Variants in HTR4 observed in about 807,000 individuals in gnomAD.
HTR4 encodes the protein 5-hydroxytryptamine (serotonin) receptor 4, G protein-coupled.
A neutral mutation model predicts 36.8 loss-of-function variants in HTR4; 16 were observed. That is an observed-to-expected ratio of 0.43 (90% CI 0.29 to 0.66). The LOEUF is 0.66. Among genes scored for constraint, HTR4 ranks in the 30% least tolerant of loss-of-function variants. The probability of loss-of-function intolerance (pLI) is 0.13; values close to 1 mark genes in which losing one functional copy is unlikely to be tolerated. For synonymous variants in HTR4, 189 were observed against 185.1 expected (o/e 1.02, Z -0.17); for missense variants, 438 against 490.9 (o/e 0.89, Z 1.02).
intron 2 of HTR4, among the ~76,000 whole-genome samples, chr5:148,635,128 A>G (rs774944128): frequency 2.0e-5 from 3 of 152,182 alleles, no homozygotes; most frequent in Non-Finnish European, 4.4e-5. Flanking sequence ...CACTATTATA[A>G]GTGGCAAAAT....
At chr5:148,489,233 C>T (rs1756299825) in intron 6 of HTR4, among the ~76,000 whole-genome samples, 1 of 152,128 alleles carries the variant, frequency 6.6e-6, no homozygotes, top group Non-Finnish European at 1.5e-5. Context: ...TCACAATAAT[C>T]CTATCACATG....
intron 2 of HTR4, among the ~76,000 whole-genome samples, chr5:148,626,949 C>T (rs1753132119): frequency 6.6e-6 from 1 of 152,186 alleles, no homozygotes; most frequent in South Asian, 2.1e-4. Flanking sequence ...CAAACTAAGT[C>T]CTCATTCCCT....
chr5:148,454,859 C>G (rs1755061462), intron 5 of HTR4, among the ~76,000 whole-genome samples: 1 of 152,108 alleles, frequency 6.6e-6, no homozygotes, highest in Admixed American at 6.5e-5. Flanking sequence ...AACCCCTTCC[C>G]CATTGCTCTT....
intron 2 of HTR4, among the ~76,000 whole-genome samples, chr5:148,560,427 G>A (rs1760154016): frequency 1.3e-5 from 2 of 152,228 alleles, no homozygotes; most frequent in African/African-American, 4.8e-5. Flanking sequence ...AAGTTCCCAG[G>A]TAATGCTGAT....
chr5:148,599,532 T>C (rs1343346601), intron 2 of HTR4, among the ~76,000 whole-genome samples: 1 of 151,976 alleles, frequency 6.6e-6, no homozygotes, highest in African/African-American at 2.4e-5. Context: ...TTTATATCCA[T>C]TGAAATTATC....
downstream of HTR4, among the ~76,000 whole-genome samples, chr5:148,479,450 T>G (rs1369748488): frequency 6.6e-6 from 1 of 152,106 alleles, no homozygotes; most frequent in Non-Finnish European, 1.5e-5. Flanking sequence ...TCAGACGCAT[T>G]TTTCCTTGAA....
chr5:148,637,139 A>T (rs1364572351), intron 1 of HTR4, 78 bp from the exon 2 acceptor site: 3 of 888,536 alleles, frequency 3.4e-6, no homozygotes, highest in African/African-American at 3.4e-5. Flanking sequence ...AAAAAACTCA[A>T]ATAACTATTG....
intron 2 of HTR4, among the ~76,000 whole-genome samples, chr5:148,578,859 T>G (rs1041082558): frequency 6.6e-6 from 1 of 152,096 alleles, no homozygotes; most frequent in Non-Finnish European, 1.5e-5. Context: ...TATAACATAT[T>G]GGAAAGGGCC....
Position 148,481,739 on chromosome 5 carries a change from G to A in HTR4, c.*1464C>T. Reference sequence around the variant, plus strand: ...CTATTAAACCACAGCCAAGATCAAAGTCAGAATCTCACATGGCTCTGGGTT... The same window carrying A: ...CTATTAAACCACAGCCAAGATCAAAATCAGAATCTCACATGGCTCTGGGTT... On this transcript the variant is annotated 3_prime_UTR_variant, in exon 7 of 7. Coordinates refer to ENST00000377888, the MANE Select transcript of HTR4 (RefSeq NM_000870.7). 1 of 1,431,638 alleles carries A rather than the reference G, an allele frequency of 7.0e-7. No homozygotes were observed. The highest frequency in any genetic ancestry group is 2.5e-5 in the East Asian group (1 of 39,918). 88.7% of individuals were successfully genotyped at this position (1,431,638 alleles called of 1,614,324 possible).
intron 2 of HTR4, among the ~76,000 whole-genome samples, chr5:148,591,286 G>A (rs1451085234): frequency 6.6e-6 from 1 of 151,948 alleles, no homozygotes; most frequent in Non-Finnish European, 1.5e-5. Flanking sequence ...TGTTCTTTTT[G>A]CTAAGAATTT....
chr5:148,607,295 G>A (rs1405521790), intron 2 of HTR4, among the ~76,000 whole-genome samples: 3 of 152,110 alleles, frequency 2.0e-5, no homozygotes, highest in East Asian at 1.9e-4. Context: ...AAAATGTAGT[G>A]GGCACAGACT....
At chr5:148,588,748 G>C (rs965144272) in intron 2 of HTR4, among the ~76,000 whole-genome samples, 2 of 150,948 alleles carry the variant, frequency 1.3e-5, no homozygotes, top group African/African-American at 4.9e-5. Flanking sequence ...CACCTTGTTA[G>C]CCAGGATGGT....
intron 6 of HTR4, among the ~76,000 whole-genome samples, chr5:148,488,095 C>T (rs897588871): frequency 1.3e-5 from 2 of 152,152 alleles, no homozygotes; most frequent in Admixed American, 6.5e-5. Context: ...CCGTGAGGCA[C>T]ATAGATTTGT....
chr5:148,570,055 C>T (rs1760612436), intron 2 of HTR4, among the ~76,000 whole-genome samples: 1 of 152,136 alleles, frequency 6.6e-6, no homozygotes, highest in Admixed American at 6.5e-5. Context: ...TAATGTACTG[C>T]TCTTGCCAAA....
intron 2 of HTR4, among the ~76,000 whole-genome samples, chr5:148,570,251 C>T (rs991058049): frequency 2.0e-5 from 3 of 152,084 alleles, no homozygotes; most frequent in Non-Finnish European, 4.4e-5. Context: ...TATCTAGATG[C>T]ACTCAACAGA....
At chr5:148,632,393 C>A (rs6865654) in intron 2 of HTR4, among the ~76,000 whole-genome samples, 3 of 151,748 alleles carry the variant, frequency 2.0e-5, no homozygotes, top group Non-Finnish European at 4.4e-5. Context: ...ACAGTCATTT[C>A]GTGGAGAAGA....
chr5:148,619,372 TAA>T (rs576091240), intron 2 of HTR4, among the ~76,000 whole-genome samples: 157 of 152,320 alleles, frequency 1.0e-3, no homozygotes, highest in African/African-American at 3.3e-3. Context: ...CAAAGAAAAT[TAA>T]GATACTTTAT....
intron 2 of HTR4, among the ~76,000 whole-genome samples, chr5:148,594,979 A>G (rs1032078353): frequency 6.6e-6 from 1 of 152,224 alleles, no homozygotes; most frequent in Non-Finnish European, 1.5e-5. Flanking sequence ...CTCATTGCAG[A>G]AAATTTCAAA....
chr5:148,634,766 T>A (rs1472210963), intron 2 of HTR4, among the ~76,000 whole-genome samples: 1 of 152,144 alleles, frequency 6.6e-6, no homozygotes, highest in Non-Finnish European at 1.5e-5. Context: ...GAATCATGTC[T>A]CCTCCAAACT....
Sources: gnomAD v4.1 joint callset for allele counts (sites outside exome capture counted in the v4.1 genomes callset) on GRCh38, gnomAD v4.1.1 for gene constraint, MANE v1.5 for transcripts, NCBI Gene and HGNC (gene_info 2026-07-23, HGNC 2026-07-21) for gene names.